ANK3: variants seen among roughly 807,000 people sequenced by gnomAD.
ANK3 encodes ankyrin-3.
Under a neutral mutation model 370.9 loss-of-function variants are expected in ANK3, and 57 were observed. That is an observed-to-expected ratio of 0.15 (90% confidence interval 0.12 to 0.19). The LOEUF (loss-of-function observed/expected upper bound fraction) is 0.19. Among genes scored for constraint, ANK3 ranks in the 10% least tolerant of loss-of-function variants. The probability of loss-of-function intolerance (pLI) is 1.00; values close to 1 mark genes in which losing one functional copy is unlikely to be tolerated. For synonymous variants in ANK3, 1,929 were observed against 1,946.3 expected (o/e 0.99, Z 0.23); for missense variants, 4,439 against 5,302.1 (o/e 0.84, Z 5.06).
chr10:60,037,612 G>A (rs771020130), intron 43 of ANK3, among the ~76,000 whole-genome samples: 64 of 144,726 alleles, frequency 4.4e-4, no homozygotes, highest in African/African-American at 1.6e-3. Flanking sequence ...TCCTGCAAAG[G>A]ACATGCTCTC....
chr10:60,378,989 C>A (rs986696699), intron 1 of ANK3, among the ~76,000 whole-genome samples: 1 of 151,866 alleles, frequency 6.6e-6, no homozygotes, highest in African/African-American at 2.4e-5. Context: ...CCAGCATATA[C>A]AAGTAGCTCA....
intron 18 of ANK3, among the ~76,000 whole-genome samples, chr10:60,175,094 A>G (rs1361356231): frequency 1.3e-5 from 2 of 152,166 alleles, no homozygotes; most frequent in Non-Finnish European, 2.9e-5. Context: ...CTAAGTCATT[A>G]TAATACAGTG....
chr10:60,597,833 T>C (rs1183987085), intron 2 of ANK3, among the ~76,000 whole-genome samples: 2 of 152,182 alleles, frequency 1.3e-5, no homozygotes, highest in Non-Finnish European at 2.9e-5. Context: ...AATAACAAGA[T>C]AAAATATCAA....
intron 2 of ANK3, among the ~76,000 whole-genome samples, chr10:60,609,067 G>A (rs958668953): frequency 2.0e-5 from 3 of 152,138 alleles, no homozygotes; most frequent in African/African-American, 7.2e-5. Flanking sequence ...AAAGGAAAGA[G>A]GAAGGAATGA....
At chr10:60,099,599 T>C (rs185668883) in intron 28 of ANK3, among the ~76,000 whole-genome samples, 72 of 152,336 alleles carry the variant, frequency 4.7e-4, no homozygotes, top group African/African-American at 1.6e-3. Flanking sequence ...TTTGTTTACT[T>C]TTCCATTTGT....
Position 60,403,654 on chromosome 10 carries a change from C to T in ANK3, c.97-124015G>A, listed in dbSNP as rs191625614. 1.4e-3 allele frequency among the ~76,000 whole-genome samples: 212 copies of T among 152,256 alleles called. 5 individuals are homozygous for T. The highest frequency in any genetic ancestry group is 2.4e-4 in the Non-Finnish European group (16 of 68,032). On this transcript the variant is annotated intron_variant, in intron 2 of 43. Transcript: ENST00000373827. ...CCAGGCCGGAGTGCAGCGGCGCGAT[C>T]TCGGCTCATTGCAAGCTCCACCTCC...
intron 2 of ANK3, among the ~76,000 whole-genome samples, chr10:60,556,242 G>A (rs562742429): frequency 6.6e-6 from 1 of 152,288 alleles, no homozygotes; most frequent in African/African-American, 2.4e-5. Flanking sequence ...TACTTCTCTT[G>A]AGAAGAAACC....
intron 1 of ANK3, among the ~76,000 whole-genome samples, chr10:60,352,686 T>C (rs2057075435): frequency 6.6e-6 from 1 of 152,160 alleles, no homozygotes; most frequent in African/African-American, 2.4e-5. Context: ...ATGTTTCTCC[T>C]CTCCTTACTT....
chr10:60,270,554 T>C (rs767321365), intron 4 of ANK3, among the ~76,000 whole-genome samples: 1 of 152,204 alleles, frequency 6.6e-6, no homozygotes, highest in Admixed American at 6.5e-5. Context: ...CAACCACTTA[T>C]TGAGAGTCTA....
intron 1 of ANK3, among the ~76,000 whole-genome samples, chr10:60,331,582 A>C (rs538777782): frequency 3.4e-4 from 52 of 151,860 alleles, no homozygotes; most frequent in East Asian, 1.4e-3. Flanking sequence ...AAAAAAAAAA[A>C]AAAAACAAAA....
chr10:60,560,117 A>G lies in ANK3; in HGVS notation c.96+55069T>C, dbSNP rs189267866. 1.5e-3 allele frequency among the ~76,000 whole-genome samples: 230 copies of G among 152,312 alleles called. 1 individual carries two copies. The highest frequency in any genetic ancestry group is 2.7e-3 in the Admixed American group (42 of 15,296). ...TATAATTGGCATATTTATAACTTATATATAATATCTAGAGTTTACCTCCAA... is the reference window on the plus strand; with the variant it reads ...TATAATTGGCATATTTATAACTTATGTATAATATCTAGAGTTTACCTCCAA... On this transcript the variant is annotated intron_variant, in intron 2 of 43. Transcript: ENST00000373827.
intron 1 of ANK3, among the ~76,000 whole-genome samples, chr10:60,717,528 T>A (rs1173948088): frequency 2.0e-5 from 3 of 152,120 alleles, no homozygotes; most frequent in Non-Finnish European, 4.4e-5. Context: ...ATAATAAACA[T>A]ATGTGAAATC....
At chr10:60,195,459 G>A (rs996254050) in intron 16 of ANK3, among the ~76,000 whole-genome samples, 10 of 151,142 alleles carry the variant, frequency 6.6e-5, no homozygotes, top group South Asian at 2.1e-4. Context: ...AGTGTTTAGC[G>A]AAATAACTGA....
chr10:60,258,956 C>T (rs887030394), intron 7 of ANK3, among the ~76,000 whole-genome samples: 1 of 152,190 alleles, frequency 6.6e-6, no homozygotes. Context: ...TTACAATTTG[C>T]AGCCAATTCT....
At chr10:60,390,729 AAC>A (rs572520321), upstream of ANK3, among the ~76,000 whole-genome samples, 7,488 of 106,926 alleles carry the variant, frequency 0.07, 294 homozygotes, top group Non-Finnish European at 0.089. Context: ...TAAAAAAAAG[AAC>A]ACACACACAC....
At chr10:60,328,918 CA>C (rs1160216375) in intron 1 of ANK3, among the ~76,000 whole-genome samples, 1 of 152,160 alleles carries the variant, frequency 6.6e-6, no homozygotes, top group Non-Finnish European at 1.5e-5. Context: ...AGTAGCACAC[CA>C]AAAAGCTTAT....
intron 1 of ANK3, among the ~76,000 whole-genome samples, chr10:60,342,152 T>C (rs1024559139): frequency 2.0e-5 from 3 of 152,160 alleles, no homozygotes; most frequent in African/African-American, 7.2e-5. Context: ...AAAACCTTTG[T>C]CCTCAGGATG....
chr10:60,235,550 GTTTTTTTTT>G (rs72388493), intron 7 of ANK3, among the ~76,000 whole-genome samples: 42 of 115,056 alleles, frequency 3.7e-4, no homozygotes, highest in Non-Finnish European at 6.0e-4. Context: ...CTGATTTCTT[GTTTTTTTTT>G]TTTTTTTTTT....
chr10:60,629,199 G>T (rs2133338060), intron 1 of ANK3, among the ~76,000 whole-genome samples: 1 of 152,210 alleles, frequency 6.6e-6, no homozygotes, highest in East Asian at 1.9e-4. Context: ...AAAAACGTAT[G>T]CTTATTTGAC....
Sources: allele counts gnomAD v4.1 joint callset (sites outside exome capture counted in the v4.1 genomes callset), GRCh38; gene constraint gnomAD v4.1.1; transcripts MANE v1.5; gene names NCBI Gene and HGNC (gene_info 2026-07-23, HGNC 2026-07-21).